SPATA16: variants seen among roughly 807,000 people sequenced by gnomAD.
SPATA16 encodes the protein spermatogenesis-associated protein 16.
In SPATA16, 36 loss-of-function variants were observed where a neutral mutation model predicts 63.3. That is an observed-to-expected ratio of 0.57 (90% CI 0.44 to 0.75). SPATA16 has a LOEUF of 0.75. SPATA16 is among the 30% of genes least tolerant of loss of function. The probability of loss-of-function intolerance (pLI) is 0.00; values close to 1 mark genes in which losing one functional copy is unlikely to be tolerated. For missense variants in SPATA16, 646 were observed against 679.3 expected (o/e 0.95, Z 0.54); for synonymous variants, 203 against 216.7 (o/e 0.94, Z 0.56).
At chr3:172,904,540 A>C (rs1732194009) in intron 10 of SPATA16, among the ~76,000 whole-genome samples, 1 of 152,232 alleles carries the variant, frequency 6.6e-6, no homozygotes, top group Non-Finnish European at 1.5e-5. Context: ...AAGTTTTAGA[A>C]GACAGTATTT....
chr3:172,905,809 G>T (rs1732221078), intron 10 of SPATA16, among the ~76,000 whole-genome samples: 1 of 152,162 alleles, frequency 6.6e-6, no homozygotes, highest in African/African-American at 2.4e-5. Context: ...AGCTTAGGAG[G>T]TACTATATTA....
intron 1 of SPATA16, among the ~76,000 whole-genome samples, chr3:173,118,960 C>T (rs1737983345): frequency 6.6e-6 from 1 of 152,158 alleles, no homozygotes; most frequent in African/African-American, 2.4e-5. Context: ...GTGTCCGACT[C>T]AAGATAAAAA....
At chr3:172,934,173 C>T (rs1345467771) in intron 6 of SPATA16, among the ~76,000 whole-genome samples, 1 of 152,058 alleles carries the variant, frequency 6.6e-6, no homozygotes, top group Non-Finnish European at 1.5e-5. Flanking sequence ...CAGAAAATGA[C>T]TTGTGGGTAG....
chr3:173,008,414 T>C (rs894664709), intron 4 of SPATA16, among the ~76,000 whole-genome samples: 3 of 152,176 alleles, frequency 2.0e-5, no homozygotes, highest in African/African-American at 7.2e-5. Context: ...GCAGCTCAGA[T>C]TGTGCTAGGC....
chr3:172,900,200 G>T (rs1732099859), intron 10 of SPATA16, among the ~76,000 whole-genome samples: 1 of 152,088 alleles, frequency 6.6e-6, no homozygotes, highest in South Asian at 2.1e-4. Flanking sequence ...TTTGCATTGG[G>T]TTGGCAATTC....
intron 5 of SPATA16, among the ~76,000 whole-genome samples, chr3:172,975,204 TA>T (rs1734125955): frequency 6.6e-6 from 1 of 152,118 alleles, no homozygotes; most frequent in Non-Finnish European, 1.5e-5. Context: ...CATGTGAGCG[TA>T]AAAACAGAGT....
At chr3:173,133,668 G>A (rs1335839829) in intron 1 of SPATA16, among the ~76,000 whole-genome samples, 17 of 151,910 alleles carry the variant, frequency 1.1e-4, no homozygotes, top group Admixed American at 9.2e-4. Context: ...AGGCTTTTAC[G>A]TACATAAAAT....
intron 5 of SPATA16, among the ~76,000 whole-genome samples, chr3:172,969,000 A>C (rs1010812613): frequency 6.6e-6 from 1 of 152,218 alleles, no homozygotes; most frequent in Non-Finnish European, 1.5e-5. Context: ...CTTCCTCTTT[A>C]GTCTGTCTTC....
chr3:173,132,671 G>T (rs2108348767), intron 1 of SPATA16, among the ~76,000 whole-genome samples: 1 of 152,160 alleles, frequency 6.6e-6, no homozygotes, highest in East Asian at 1.9e-4. Flanking sequence ...AGAAGTCAAG[G>T]ATTCATGTTT....
At chr3:173,011,115 T>C (rs1214638346) in intron 4 of SPATA16, among the ~76,000 whole-genome samples, 1 of 151,936 alleles carries the variant, frequency 6.6e-6, no homozygotes, top group Non-Finnish European at 1.5e-5. Context: ...GATACCAAAA[T>C]CTGGCAAAGA....
intron 2 of SPATA16, among the ~76,000 whole-genome samples, chr3:173,094,677 G>GTGT (rs1737306586): frequency 8.6e-6 from 1 of 115,736 alleles, no homozygotes; most frequent in Non-Finnish European, 1.8e-5. Context: ...TATGGGAGTT[G>GTGT]TTTTTTTTTT....
intron 5 of SPATA16, among the ~76,000 whole-genome samples, chr3:172,960,253 T>C (rs896368962): frequency 6.6e-6 from 1 of 152,230 alleles, no homozygotes; most frequent in Non-Finnish European, 1.5e-5. Context: ...TATTCTGTAA[T>C]TGAATCATTC....
intron 1 of SPATA16, among the ~76,000 whole-genome samples, chr3:173,133,667 C>T (rs181444387): frequency 7.9e-5 from 12 of 151,916 alleles, no homozygotes; most frequent in East Asian, 3.9e-4. Flanking sequence ...AAGGCTTTTA[C>T]GTACATAAAA....
At chr3:172,970,174 T>C (rs1366684274) in intron 5 of SPATA16, among the ~76,000 whole-genome samples, 1 of 152,198 alleles carries the variant, frequency 6.6e-6, no homozygotes. Flanking sequence ...ATTTCCTGAA[T>C]CTCAGGCCCA....
chr3:172,898,933 T>C (rs1348737076), intron 10 of SPATA16, among the ~76,000 whole-genome samples: 4 of 151,980 alleles, frequency 2.6e-5, no homozygotes, highest in African/African-American at 9.7e-5. Context: ...AATATATTCT[T>C]ACATTTCCTT....
At chr3:173,064,576 C>G (rs968744105) in intron 2 of SPATA16, among the ~76,000 whole-genome samples, 5 of 152,102 alleles carry the variant, frequency 3.3e-5, no homozygotes, top group African/African-American at 1.2e-4. Flanking sequence ...TAAGGGTGGG[C>G]AATCTTAGCT....
chr3:173,021,188 C>T (rs923384134), intron 3 of SPATA16, among the ~76,000 whole-genome samples: 6 of 152,194 alleles, frequency 3.9e-5, no homozygotes, highest in African/African-American at 1.4e-4. Flanking sequence ...GACTGTATAA[C>T]TTAGCTCACT....
At chr3:173,104,107 A>G (rs1294642519) in intron 2 of SPATA16, among the ~76,000 whole-genome samples, 1 of 152,208 alleles carries the variant, frequency 6.6e-6, no homozygotes, top group African/African-American at 2.4e-5. Flanking sequence ...CTTTGCACCA[A>G]TTCCCAAAAA....
chr3:172,968,115 G>C (rs542202390), intron 5 of SPATA16, among the ~76,000 whole-genome samples: 1 of 152,180 alleles, frequency 6.6e-6, no homozygotes, highest in Non-Finnish European at 1.5e-5. Context: ...CCTGAGAAGC[G>C]GGGACTGTAT....
Sources: allele counts gnomAD v4.1 joint callset (sites outside exome capture counted in the v4.1 genomes callset), GRCh38; gene constraint gnomAD v4.1.1; transcripts MANE v1.5; gene names NCBI Gene and HGNC (gene_info 2026-07-23, HGNC 2026-07-21).